ELMO2: variants seen among roughly 807,000 people sequenced by gnomAD.
The protein encoded by ELMO2 is engulfment and cell motility 2, also known as engulfment and cell motility protein 2.
ELMO2 carries 37 observed loss-of-function variants against 96.2 expected under a neutral mutation model. That is an observed-to-expected ratio of 0.38 (90% CI 0.30 to 0.51). The LOEUF (loss-of-function observed/expected upper bound fraction) is 0.51, where lower values mean the gene tolerates loss of function less well. Among genes scored for constraint, ELMO2 ranks in the 20% least tolerant of loss-of-function variants. ELMO2 has a pLI of 0.88. For missense variants in ELMO2, 561 were observed against 912.6 expected (o/e 0.61, Z 4.96); for synonymous variants, 315 against 329.4 (o/e 0.96, Z 0.47).
rs957132325 is a variant in ELMO2 at position 46,366,582 on chromosome 20, G to A, written c.*778C>T. The A allele has an allele frequency of 6.6e-6, 1 of 152,368 alleles. No homozygotes were observed. Among genetic ancestry groups the A allele is most frequent in the African/African-American group, 2.4e-5 (1 of 41,470 alleles). 9.4% of individuals were successfully genotyped at this position (152,368 alleles called of 1,614,324 possible). A position where few individuals can be genotyped will look rare whatever the true frequency, so the allele number is the denominator to read the frequency against. On this transcript the variant is annotated 3_prime_UTR_variant, in exon 22 of 22. Transcript: ENST00000290246. ...CTCTGAGGAAGGAAAAGGTATTAAT[G>A]TGGGGGAAGAGCAGTAGAATCTAGT...
rs1327301991 is a variant in ELMO2 at position 46,370,447 on chromosome 20, T to C, written c.1880A>G (p.Asn627Ser). The C allele has an allele frequency of 6.2e-7, 1 of 1,614,192 alleles. No individual in the cohort carries two copies. The highest frequency in any genetic ancestry group is 1.1e-5 in the South Asian group (1 of 91,082). ...HMKEKSALKQ[N>S]KEVLELAFSI... ...CAAACTGGCCTCTCTACTCACCTTG[T>C]TCTGTTTCAGAGCACTTTTCTCTTT... The change falls in exon 20 of 22, where the codon AAC becomes AGC. Residue 627 changes from asparagine (N) to serine (S), a missense_variant. By Grantham distance (46) the Asn-to-Ser change is conservative. Transcript: ENST00000290246.
intron 11 of ELMO2, chr20:46,379,995 G>T: frequency 3.0e-6 from 1 of 329,708 alleles, no homozygotes. Context: ...TTCTGGAGTT[G>T]CAGGGCAACA....
At position 46,383,409 on chromosome 20, in the gene ELMO2, CA is replaced by C. The variant is rs748471313; in HGVS notation, c.756+6del. The C allele has an allele frequency of 8.1e-6, 13 of 1,613,734 alleles. No homozygotes were observed. The highest frequency in any genetic ancestry group is 1.6e-4 in the Middle Eastern group (1 of 6,084). On this transcript the variant is annotated splice_donor_region_variant and intron_variant, in intron 10 of 21. Transcript: ENST00000290246. Reference sequence around the variant, plus strand: ...CAGATGAAAAATGTGAAAAGGCAGCCACAGACCTGTCGTTTGTCCTCAGGAG... The same window carrying C: ...CAGATGAAAAATGTGAAAAGGCAGCCCAGACCTGTCGTTTGTCCTCAGGAG...
intron 10 of ELMO2, among the ~76,000 whole-genome samples, chr20:46,382,942 CAG>C (rs1185142153): frequency 2.0e-5 from 3 of 152,198 alleles, no homozygotes; most frequent in Non-Finnish European, 4.4e-5. Flanking sequence ...TCCTTGGACT[CAG>C]GGTAGCCACA....
chr20:46,368,364 A>G (rs2059626632), intron 21 of ELMO2, among the ~76,000 whole-genome samples: 1 of 152,054 alleles, frequency 6.6e-6, no homozygotes, highest in African/African-American at 2.4e-5. Context: ...TGTCAGAAGG[A>G]CCAGTTCCAT....
chr20:46,395,286 TG>T (rs1460231434), intron 2 of ELMO2, among the ~76,000 whole-genome samples: 1 of 152,168 alleles, frequency 6.6e-6, no homozygotes, highest in Admixed American at 6.5e-5. Context: ...TGAGCAAGTC[TG>T]GAAGATGGGC....
At chr20:46,370,277 TG>T (rs2059675606) in intron 20 of ELMO2, 165 bp downstream of exon 20, 1 of 714,266 alleles carries the variant, frequency 1.4e-6, no homozygotes, top group Non-Finnish European at 2.5e-6. Flanking sequence ...GTCTGGGTGA[TG>T]TGTATACAGA....
At chr20:46,393,195 G>C (rs1304808481) in intron 5 of ELMO2, 52 bp from the exon 6 acceptor site, 1 of 1,551,190 alleles carries the variant, frequency 6.4e-7, no homozygotes, top group Non-Finnish European at 8.9e-7. Context: ...ATGTTAAAGT[G>C]GTACAAGCAA....
rs199858824 is a variant in ELMO2 at position 46,369,957 on chromosome 20, T to TGG, written c.1884+484_1884+485dup. ...GACTCTGGTTTAGACAAGATGGGTA[T>TGG]GGGGGTGTGTGTGTGTGTGTGTGTG... On this transcript the variant is annotated intron_variant, in intron 20 of 21. Coordinates refer to ENST00000290246, the MANE Select transcript of ELMO2 (RefSeq NM_133171.5). 62 of 122,850 alleles carry TGG rather than the reference T, an allele frequency of 5.0e-4. 1 individual carries two copies. The highest frequency in any genetic ancestry group is 2.4e-3 in the African/African-American group (53 of 21,848). The allele number at this position is 122,850 out of a possible 1,614,324, so 7.6% of individuals were successfully genotyped here.
At chr20:46,402,546 G>A (rs375385236) in intron 1 of ELMO2, among the ~76,000 whole-genome samples, 3 of 152,342 alleles carry the variant, frequency 2.0e-5, no homozygotes, top group East Asian at 1.9e-4. Context: ...TTAGAAAACC[G>A]TGATTGCACA....
In ELMO2 at chr20:46,375,626, C is replaced by T; in HGVS notation, c.930+42G>A. On this transcript the variant is annotated intron_variant, in intron 12 of 21. Coordinates refer to ENST00000290246, the MANE Select transcript of ELMO2 (RefSeq NM_133171.5). The surrounding 1 kb of genome is among the most constrained non-coding windows in gnomAD (Gnocchi z 4.6). ...TGGCACATAGACTAAGGCTGGACTG[C>T]ACCACAGCCATGAGAAAACAGCTGC... 6.2e-7 allele frequency: 1 copy of T among 1,613,148 alleles called. No individual in the cohort carries two copies.
chr20:46,398,950 G>T (rs999889494), intron 1 of ELMO2, among the ~76,000 whole-genome samples, 179 bp from the exon 2 acceptor site: 1 of 152,126 alleles, frequency 6.6e-6, no homozygotes, highest in Non-Finnish European at 1.5e-5. Context: ...TAATGCTAAG[G>T]CACTATTTTA....
chr20:46,372,752 T>C (rs2059751248), intron 16 of ELMO2: 1 of 152,298 alleles, frequency 6.6e-6, no homozygotes, highest in Admixed American at 6.5e-5. Context: ...CCACACTGCA[T>C]GCGCAGTATG....
Position 46,387,331 on chromosome 20 carries a change from G to T in ELMO2, c.525+7C>A, listed in dbSNP as rs375037888. On this transcript the variant is annotated splice_region_variant and intron_variant, in intron 8 of 21. Coordinates refer to ENST00000290246, the MANE Select transcript of ELMO2 (RefSeq NM_133171.5). ...AGGAGAGAAAGACAGAATGTTGGAG[G>T]CCTCACCTGCTTAATAAAGGTGATT... 116 of 1,611,690 alleles carry T rather than the reference G, an allele frequency of 7.2e-5. No individual in the cohort carries two copies. The highest frequency in any genetic ancestry group is 1.0e-4 in the Admixed American group (6 of 59,974).
At chr20:46,394,193 G>C in intron 3 of ELMO2, 104 bp from the exon 4 acceptor site, 1 of 1,211,022 alleles carries the variant, frequency 8.3e-7, no homozygotes, top group Non-Finnish European at 1.2e-6. Flanking sequence ...GCATGAGAAT[G>C]AACTTCTTTC....
At chr20:46,381,773 A>G (rs2059961053) in intron 10 of ELMO2, among the ~76,000 whole-genome samples, 1 of 152,170 alleles carries the variant, frequency 6.6e-6, no homozygotes, top group Non-Finnish European at 1.5e-5. Context: ...TGAGCATCCA[A>G]ATTCCCTTTT....
intron 15 of ELMO2, among the ~76,000 whole-genome samples, chr20:46,374,091 A>C (rs1477898636): frequency 7.9e-6 from 1 of 126,922 alleles, no homozygotes; most frequent in Non-Finnish European, 1.6e-5. Context: ...CAGTTGGCTA[A>C]TTTTTGGTTT....
In ELMO2 at chr20:46,375,499, C is replaced by T. The variant is rs541963795; in HGVS notation, c.931-129G>A. ...AATCCCTTAGGAGGCATCACCTCTA[C>T]CACAGCAGGACAGAAATGGGCTTGG... On this transcript the variant is annotated intron_variant, in intron 12 of 21. Coordinates refer to ENST00000290246, the MANE Select transcript of ELMO2 (RefSeq NM_133171.5). The surrounding 1 kb of genome is among the most constrained non-coding windows in gnomAD (Gnocchi z 4.6). The T allele has an allele frequency of 5.3e-4, 786 of 1,483,322 alleles. 8 individuals carry two copies. Among genetic ancestry groups the T allele is most frequent in the South Asian group, 5.3e-3 (409 of 77,538 alleles). The allele number at this position is 1,483,322 out of a possible 1,614,324, so 91.9% of individuals were successfully genotyped here. A position where few individuals can be genotyped will look rare whatever the true frequency, so the allele number is the denominator to read the frequency against.
At chr20:46,373,880 A>G (rs2059788235) in intron 15 of ELMO2, among the ~76,000 whole-genome samples, 1 of 152,128 alleles carries the variant, frequency 6.6e-6, no homozygotes, top group Middle Eastern at 3.2e-3. Flanking sequence ...TTTAAAACAA[A>G]AAACAAAATT....
Sources: gnomAD v4.1 joint callset for allele counts (sites outside exome capture counted in the v4.1 genomes callset) on GRCh38, gnomAD v4.1.1 for gene constraint, Gnocchi (gnomAD v3.1) non-coding constraint, MANE v1.5 for transcripts, NCBI Gene and HGNC (gene_info 2026-07-23, HGNC 2026-07-21) for gene names.